The following MLX variants were observed in gnomAD, a reference collection of about 807,000 sequenced individuals.
MLX encodes max-like protein X.
In MLX, 15 loss-of-function variants were observed where a neutral mutation model predicts 33.0. The ratio of observed to expected loss-of-function variants is 0.45; its 90% CI spans 0.30 to 0.70. MLX has a LOEUF of 0.70. Ranked by LOEUF, MLX falls within the 30% of genes least tolerant of loss-of-function variation. The pLI is 0.07. For synonymous variants in MLX, 115 were observed against 115.6 expected (o/e 0.99, Z 0.03); for missense variants, 285 against 306.3 (o/e 0.93, Z 0.52).
chr17:42,569,502 C>T lies in MLX; in HGVS notation c.377-5C>T, dbSNP rs746921545. 8 of 1,612,802 alleles carry T rather than the reference C, an allele frequency of 5.0e-6. No individual in the cohort carries two copies. Among genetic ancestry groups the T allele is most frequent in the Non-Finnish European group, 6.8e-6 (8 of 1,178,982 alleles). ...CCTGTCCTTTTTTTCTTGCCCCCAC[C>T]CTAGCCATTGACTACATTCAGTTTT... On this transcript the variant is annotated splice_polypyrimidine_tract_variant and splice_region_variant and intron_variant, in intron 5 of 7. Transcript: ENST00000435881.
chr17:42,568,298 G>C, intron 2 of MLX, 172 bp from the exon 3 acceptor site: 1 of 368,054 alleles, frequency 2.7e-6, no homozygotes, highest in Non-Finnish European at 5.1e-6. Context: ...GGGAGGCGGA[G>C]CTTGCAGTGA....
In MLX at chr17:42,570,173, G is replaced by A; in HGVS notation, c.668G>A (p.Cys223Tyr). 6.2e-7 allele frequency: 1 copy of A among 1,613,706 alleles called. No homozygotes were observed. The highest frequency in any genetic ancestry group is 8.5e-7 in the Non-Finnish European group (1 of 1,180,020). ...ACVFSWIEEH[C>Y]KPQTLREIVI... Reference sequence around the variant, plus strand: ...GTCTTCAGCTGGATCGAGGAGCACTGTAAGCCTCAGGTATGGGGCAACAAT... The same window carrying A: ...GTCTTCAGCTGGATCGAGGAGCACTATAAGCCTCAGGTATGGGGCAACAAT... The change falls in exon 7 of 8, where the codon TGT (cysteine) becomes TAT (tyrosine). Residue 223 changes from cysteine to tyrosine, a missense_variant. By Grantham distance (194) the Cys-to-Tyr change is radical (BLOSUM62 -2). Transcript: ENST00000435881.
In MLX at chr17:42,571,868, T is replaced by C; in HGVS notation, c.*265T>C. ...CCCCACTCCATGGAAGTCCTTGGGA[T>C]GGGCGTCTGCTCTGGACACCCCAAA... On this transcript the variant is annotated 3_prime_UTR_variant, in exon 8 of 8. Coordinates refer to ENST00000435881, the MANE Select transcript of MLX (RefSeq NM_198204.2). 2.0e-6 allele frequency: 1 copy of C among 501,670 alleles called. No homozygotes were observed. The highest frequency in any genetic ancestry group is 3.6e-6 in the Non-Finnish European group (1 of 276,154). The allele number at this position is 501,670 out of a possible 1,614,324, so 31.1% of individuals were successfully genotyped here.
At chr17:42,568,787 C>T (rs750741036) in intron 3 of MLX, 50 bp from the exon 4 acceptor site, 28 of 1,488,590 alleles carry the variant, frequency 1.9e-5, no homozygotes, top group Non-Finnish European at 2.3e-5. Context: ...GCTAGCTGGA[C>T]CCCACTGGGC....
In MLX at chr17:42,567,626, A is replaced by G. The variant is rs2093013906; in HGVS notation, c.50A>G (p.Tyr17Cys). The G allele has an allele frequency of 1.9e-6, 3 of 1,614,054 alleles. No homozygotes were observed. In the East Asian group the frequency reaches 6.7e-5, roughly 36 times the overall value. The change falls in exon 2 of 8, where the codon TAT becomes TGT. Residue 17 changes from tyrosine to cysteine, a missense_variant. Physicochemically the swap from Tyr to Cys is radical, Grantham distance 194 (BLOSUM62 -2). Transcript: ENST00000435881. ...SPEDPWVKVE[Y>C]AYSDNSLDPG... Reference sequence around the variant, plus strand: ...CCGTGCTCTGTGCCGCAGGTGGAGTATGCCTACAGCGACAACAGCCTGGAC... The same window carrying G: ...CCGTGCTCTGTGCCGCAGGTGGAGTGTGCCTACAGCGACAACAGCCTGGAC...
rs1453522189 is a variant in MLX, at chr17:42,571,769, G to T, written c.*166G>T. 7.6e-6 allele frequency: 5 copies of T among 661,408 alleles called. No individual in the cohort carries two copies. Among genetic ancestry groups the T allele is most frequent in the Non-Finnish European group, 1.3e-5 (5 of 372,046 alleles). 41.0% of individuals were successfully genotyped at this position (661,408 alleles called of 1,614,324 possible). ...GCCCCATTTTATCTTCAGCGGAGCC[G>T]CGGTGTTTGTTTTGTGAAAGCTTCT... On this transcript the variant is annotated 3_prime_UTR_variant, in exon 8 of 8. Coordinates refer to ENST00000435881, the MANE Select transcript of MLX (RefSeq NM_198204.2).
intron 2 of MLX, 107 bp from the exon 3 acceptor site, chr17:42,568,361 TAA>T: frequency 5.9e-6 from 4 of 674,712 alleles, no homozygotes; most frequent in Middle Eastern, 3.5e-4. Context: ...AGACTCTGTC[TAA>T]AAAAAAAATA....
Position 42,568,891 on chromosome 17 carries a change from G to T in MLX, c.224G>T (p.Arg75Leu), listed in dbSNP as rs143700523. 1 of 1,611,704 alleles carries T rather than the reference G, an allele frequency of 6.2e-7. No homozygotes were observed. The highest frequency in any genetic ancestry group is 8.5e-7 in the Non-Finnish European group (1 of 1,178,828). ...QEAYKESYKDRRRRAHTQAEQ... is the reference protein window; with the variant it reads ...QEAYKESYKDLRRRAHTQAEQ... Reference sequence around the variant, plus strand: ...GCCTACAAGGAGTCCTACAAAGACCGGCGGCGGCGCGCACACACTCAGGCT... The same window carrying T: ...GCCTACAAGGAGTCCTACAAAGACCTGCGGCGGCGCGCACACACTCAGGCT... The change falls in exon 4 of 8, where the codon CGG becomes CTG. Residue 75 changes from arginine (R) to leucine (L), a missense_variant. By Grantham distance (102) the Arg-to-Leu change is moderately radical. Transcript: ENST00000435881.
chr17:42,567,958 A>C, intron 2 of MLX: 1 of 505,742 alleles, frequency 2.0e-6, no homozygotes. Flanking sequence ...ATGCAGGCCT[A>C]TGGAGCAGTG....
chr17:42,570,695 GC>G (rs1298399661), intron 7 of MLX, among the ~76,000 whole-genome samples: 1 of 151,534 alleles, frequency 6.6e-6, no homozygotes, highest in Non-Finnish European at 1.5e-5. Context: ...TCGTTCTGTC[GC>G]CCAGGCTGGA....
At chr17:42,569,883 T>A in intron 6 of MLX, 99 bp from the exon 7 acceptor site, 2 of 1,188,788 alleles carry the variant, frequency 1.7e-6, no homozygotes, top group Non-Finnish European at 2.5e-6. Flanking sequence ...AGAAGCTCTC[T>A]GGGGCTGCCA....
chr17:42,572,572 G>C lies in MLX; in HGVS notation c.*969G>C, dbSNP rs1028591913. The C allele has an allele frequency of 4.4e-6, 2 of 453,550 alleles. No homozygotes were observed. The highest frequency in any genetic ancestry group is 4.4e-6 in the Non-Finnish European group (1 of 226,436). 28.1% of individuals were successfully genotyped at this position (453,550 alleles called of 1,614,324 possible). On this transcript the variant is annotated 3_prime_UTR_variant, in exon 8 of 8. Coordinates refer to ENST00000435881, the MANE Select transcript of MLX (RefSeq NM_198204.2). ...GGGCCCTCCAAATGCTCGTTTTATA[G>C]CAACCTCTCTCTACCCTAGTTCTCC...
Position 42,570,030 on chromosome 17 carries a change from G to A in MLX, c.525G>A (p.Gly175=). The A allele has an allele frequency of 1.2e-6, 2 of 1,614,134 alleles. No homozygotes were observed. Among genetic ancestry groups the A allele is most frequent in the Non-Finnish European group, 1.7e-6 (2 of 1,180,034 alleles). The part of the protein sequence containing the change: ...VKAHQDNPHE[G]EDQVSDQVKF... ...CACACCAGGACAACCCCCATGAAGG[G>A]GAGGACCAGGTCTCTGACCAGGTCA... is the stretch of plus-strand genomic sequence containing the variant. The change falls in exon 7 of 8, where the codon GGG becomes GGA. Residue 175 remains glycine, a synonymous_variant. Transcript: ENST00000435881.
intron 2 of MLX, 152 bp from the exon 3 acceptor site, chr17:42,568,318 G>C (rs532637135): frequency 0.013 from 5,761 of 430,630 alleles, 65 homozygotes; most frequent in Non-Finnish European, 0.019. Flanking sequence ...AGCCGAGATC[G>C]CGCCACTGCA....
intron 1 of MLX, 34 bp downstream of exon 1, chr17:42,567,200 A>G: frequency 1.6e-6 from 2 of 1,285,416 alleles, no homozygotes; most frequent in Non-Finnish European, 2.0e-6. Context: ...CGGCGAGGGG[A>G]GGGCGGGTCG....
chr17:42,571,821 A>T lies in MLX; in HGVS notation c.*218A>T. The T allele has an allele frequency of 1.8e-6, 1 of 560,770 alleles. No homozygotes were observed. The highest frequency in any genetic ancestry group is 2.0e-5 in the South Asian group (1 of 49,026). The allele number at this position is 560,770 out of a possible 1,614,324, so 34.7% of individuals were successfully genotyped here. On this transcript the variant is annotated 3_prime_UTR_variant, in exon 8 of 8. Coordinates refer to ENST00000435881, the MANE Select transcript of MLX (RefSeq NM_198204.2). ...ATTAATTTATTATATTGACGATAAAACTCAAACCTACCCAGCCTTCCCCCC... is the reference window on the plus strand; with the variant it reads ...ATTAATTTATTATATTGACGATAAATCTCAAACCTACCCAGCCTTCCCCCC...
At position 42,572,980 on chromosome 17, in the gene MLX, G is replaced by T. The variant is rs1243841460; in HGVS notation, c.*1377G>T. 6.2e-7 allele frequency: 1 copy of T among 1,614,082 alleles called. No homozygotes were observed. Among genetic ancestry groups the T allele is most frequent in the African/African-American group, 1.3e-5 (1 of 74,930 alleles). The stretch of plus-strand genomic sequence containing the variant: ...GACCGTGGGCCCCTCAGGGGTCTGG[G>T]AGTGTGACGTTGTAATCTTCATCCG... On this transcript the variant is annotated 3_prime_UTR_variant, in exon 8 of 8. Transcript: ENST00000435881.
intron 7 of MLX, 81 bp downstream of exon 7, chr17:42,570,264 A>G (rs1352676365): frequency 7.9e-6 from 11 of 1,399,952 alleles, no homozygotes; most frequent in Non-Finnish European, 1.1e-5. Flanking sequence ...CTGTTGAGAA[A>G]AGCGTGGCAG....
chr17:42,572,624 T>G lies in MLX; in HGVS notation c.*1021T>G. 1 of 448,604 alleles carries G rather than the reference T, an allele frequency of 2.2e-6. No homozygotes were observed. The highest frequency in any genetic ancestry group is 4.5e-6 in the Non-Finnish European group (1 of 224,136). The allele number at this position is 448,604 out of a possible 1,614,324, so 27.8% of individuals were successfully genotyped here. A position where few individuals can be genotyped will look rare whatever the true frequency, so the allele number is the denominator to read the frequency against. On this transcript the variant is annotated 3_prime_UTR_variant, in exon 8 of 8. Coordinates refer to ENST00000435881, the MANE Select transcript of MLX (RefSeq NM_198204.2). Reference sequence around the variant, plus strand: ...AATTCACTTCTGCCTTCCTCAGGTTTGATATCTGGCAGGTTTGACTATCCA... The same window carrying G: ...AATTCACTTCTGCCTTCCTCAGGTTGGATATCTGGCAGGTTTGACTATCCA...
Sources: allele counts gnomAD v4.1 joint callset (sites outside exome capture counted in the v4.1 genomes callset), GRCh38; gene constraint gnomAD v4.1.1; transcripts MANE v1.5; gene names NCBI Gene and HGNC (gene_info 2026-07-23, HGNC 2026-07-21).